Variants in FAM193A observed in about 807,000 individuals in gnomAD.
The protein encoded by FAM193A is family with sequence similarity 193 member A.
FAM193A carries 22 observed loss-of-function variants against 126.5 expected under a neutral mutation model. The observed-to-expected ratio is 0.17, with a 90% CI of 0.12 to 0.25. FAM193A has a LOEUF of 0.25. Ranked by LOEUF, FAM193A falls within the 10% of genes least tolerant of loss-of-function variation. The probability of loss-of-function intolerance (pLI) is 1.00; values close to 1 mark genes in which losing one functional copy is unlikely to be tolerated. For missense variants in FAM193A, 1,675 were observed against 1,672.8 expected, an observed-to-expected ratio of 1.00 and a Z score of -0.02; for synonymous variants, 761 against 646.8, an observed-to-expected ratio of 1.18 and a Z score of -2.68.
At chr4:2,653,280 G>A (rs1745850160) in intron 7 of FAM193A, among the ~76,000 whole-genome samples, 1 of 152,096 alleles carries the variant, frequency 6.6e-6, no homozygotes, top group African/African-American at 2.4e-5. Context: ...TGTTGTTCTA[G>A]GGAAAATGGT....
rs554167066 is a variant in FAM193A at position 2,707,086 on chromosome 4, C to T, written c.4372+6542C>T. 9.2e-5 allele frequency among the ~76,000 whole-genome samples: 14 copies of T among 152,034 alleles called. No homozygotes were observed. The East Asian group carries it at 2.1e-3, about 23-fold the overall frequency. The stretch of plus-strand genomic sequence containing the variant: ...GCAGTGAGCCAAGGTTGCTCCACTG[C>T]GCTCCAGCCGAGGCAACAGAGTGAG... On this transcript the variant is annotated intron_variant, in intron 19 of 20. Transcript: ENST00000637812.
intron 1 of FAM193A, among the ~76,000 whole-genome samples, chr4:2,578,893 G>A (rs1037270183): frequency 1.7e-4 from 26 of 151,980 alleles, no homozygotes; most frequent in African/African-American, 6.3e-4. Flanking sequence ...AGGAGGAGGC[G>A]GAAGAGGAGA....
chr4:2,558,186 C>A (rs528931298), intron 1 of FAM193A, among the ~76,000 whole-genome samples: 2 of 151,334 alleles, frequency 1.3e-5, no homozygotes, highest in Non-Finnish European at 2.9e-5. Context: ...GCAGGAGAAT[C>A]GCTTGAACCG....
intron 20 of FAM193A, among the ~76,000 whole-genome samples, chr4:2,729,592 ATTC>A (rs1357909768): frequency 3.3e-5 from 5 of 152,134 alleles, no homozygotes; most frequent in African/African-American, 1.2e-4. Flanking sequence ...CTTTGGTCAG[ATTC>A]TTTCGTCTGA....
intron 2 of FAM193A, among the ~76,000 whole-genome samples, chr4:2,611,774 C>G (rs1445016891): frequency 6.6e-6 from 1 of 151,944 alleles, no homozygotes; most frequent in Non-Finnish European, 1.5e-5. Flanking sequence ...CAGCGTGTGA[C>G]TGGCATTTTC....
At chr4:2,662,719 A>AAT (rs1712606755) in intron 10 of FAM193A, 119 bp from the exon 11 acceptor site, 1 of 688,988 alleles carries the variant, frequency 1.5e-6, no homozygotes, top group African/African-American at 1.8e-5. Flanking sequence ...ATACTTAACT[A>AAT]ATACTCTTTG....
intron 1 of FAM193A, among the ~76,000 whole-genome samples, chr4:2,576,255 G>A (rs1739581338): frequency 6.6e-6 from 1 of 152,008 alleles, no homozygotes; most frequent in Admixed American, 6.6e-5. Context: ...CCCCCACCAC[G>A]CCTGGCTAAT....
At chr4:2,709,913 A>C (rs754165868) in intron 19 of FAM193A, among the ~76,000 whole-genome samples, 32 of 152,200 alleles carry the variant, frequency 2.1e-4, no homozygotes, top group African/African-American at 7.7e-4. Context: ...AGTGAGGTTA[A>C]TTTTGGTAAA....
chr4:2,689,506 G>A lies in FAM193A; in HGVS notation c.2332G>A (p.Ala778Thr). The A allele has an allele frequency of 1.3e-6, 2 of 1,549,088 alleles. No individual in the cohort carries two copies. Among genetic ancestry groups the A allele is most frequent in the Non-Finnish European group, 1.7e-6 (2 of 1,159,916 alleles). The change falls in exon 14 of 21, where the codon GCT (alanine) becomes ACT (threonine). Residue 778 changes from alanine (A) to threonine (T), a missense_variant and splice_region_variant. This residue lies in a region of FAM193A where 1,186 missense variants were observed against 1,109.2 expected (regional missense o/e 1.07). Transcript: ENST00000637812. ...GTGATTAGAAAATTTTTTTTTGTAGGCTTTACCGCCAGCACCTGTTCAGAA... is the reference window on the plus strand; with the variant it reads ...GTGATTAGAAAATTTTTTTTTGTAGACTTTACCGCCAGCACCTGTTCAGAA... ...YATPPFTHSK[A>T]LPPAPVQNHT... is the part of the protein sequence containing the mutation.
intron 19 of FAM193A, among the ~76,000 whole-genome samples, chr4:2,706,740 T>C (rs934573296): frequency 2.0e-5 from 3 of 151,318 alleles, no homozygotes; most frequent in Non-Finnish European, 4.4e-5. Context: ...GGCTGTTCTC[T>C]CCTCATAGCT....
intron 13 of FAM193A, among the ~76,000 whole-genome samples, chr4:2,687,735 C>G (rs1252769659): frequency 2.6e-5 from 4 of 152,234 alleles, no homozygotes; most frequent in African/African-American, 9.6e-5. Flanking sequence ...AGCATTGCCA[C>G]AAATTGATCT....
At chr4:2,551,803 A>G (rs998067610) in intron 1 of FAM193A, among the ~76,000 whole-genome samples, 7 of 148,300 alleles carry the variant, frequency 4.7e-5, no homozygotes, top group Non-Finnish European at 1.0e-4. Context: ...ACTTTGCCTT[A>G]TTATTTGCTT....
intron 19 of FAM193A, chr4:2,715,368 C>T (rs890070601): frequency 7.7e-6 from 2 of 259,396 alleles, no homozygotes; most frequent in Non-Finnish European, 1.2e-5. Flanking sequence ...GAGGCTGAGG[C>T]AGGAGGATTA....
chr4:2,730,364 A>T (rs1375555810), intron 20 of FAM193A, among the ~76,000 whole-genome samples: 1 of 152,192 alleles, frequency 6.6e-6, no homozygotes, highest in Non-Finnish European at 1.5e-5. Context: ...ATATATGTGT[A>T]TACAATTTTT....
At chr4:2,698,041 A>G (rs752184957) in intron 18 of FAM193A, among the ~76,000 whole-genome samples, 3 of 152,244 alleles carry the variant, frequency 2.0e-5, no homozygotes, top group Non-Finnish European at 4.4e-5. Flanking sequence ...CCCAGCACCC[A>G]GTCCCACCTC....
At chr4:2,675,885 A>G (rs916636085) in intron 13 of FAM193A, among the ~76,000 whole-genome samples, 25 of 152,220 alleles carry the variant, frequency 1.6e-4, no homozygotes, top group African/African-American at 6.0e-4. Context: ...GGAATTGTAC[A>G]GTATTTCTCT....
chr4:2,722,459 C>G (rs909064025), intron 20 of FAM193A, among the ~76,000 whole-genome samples: 23 of 152,284 alleles, frequency 1.5e-4, no homozygotes, highest in African/African-American at 5.3e-4. Flanking sequence ...TGTTCTTGAG[C>G]ATTCTATTCC....
chr4:2,560,850 GT>G (rs1738567658), intron 1 of FAM193A, among the ~76,000 whole-genome samples: 1 of 152,138 alleles, frequency 6.6e-6, no homozygotes, highest in African/African-American at 2.4e-5. Flanking sequence ...AGCTCACCAT[GT>G]TTCTCAGGCT....
At chr4:2,702,512 A>C (rs1478816807) in intron 19 of FAM193A, among the ~76,000 whole-genome samples, 1 of 152,214 alleles carries the variant, frequency 6.6e-6, no homozygotes, top group Non-Finnish European at 1.5e-5. Flanking sequence ...CTCAGTCAGC[A>C]GAGCAGGAGG....
Sources: gnomAD v4.1 joint callset for allele counts (sites outside exome capture counted in the v4.1 genomes callset) on GRCh38, gnomAD v4.1.1 for gene constraint, gnomAD v4.1.1 regional missense constraint, MANE v1.5 for transcripts, NCBI Gene and HGNC (gene_info 2026-07-23, HGNC 2026-07-21) for gene names.